Variants in LRRC4C observed in about 807,000 individuals in gnomAD.
LRRC4C encodes leucine-rich repeat-containing protein 4C.
Under a neutral mutation model 33.6 loss-of-function variants are expected in LRRC4C, and 5 were observed. The ratio of observed to expected loss-of-function variants is 0.15; its 90% confidence interval spans 0.08 to 0.31. The LOEUF is 0.31. Among genes scored for constraint, LRRC4C ranks in the 10% least tolerant of loss-of-function variants. LRRC4C has a pLI of 1.00. For missense variants in LRRC4C, 560 were observed against 796.7 expected, an observed-to-expected ratio of 0.70 and a Z score of 3.58; for synonymous variants, 329 against 302.0, an observed-to-expected ratio of 1.09 and a Z score of -0.93.
At chr11:41,279,428 A>ACCCCC (rs1555134481) in intron 1 of LRRC4C, among the ~76,000 whole-genome samples, 7 of 140,788 alleles carry the variant, frequency 5.0e-5, no homozygotes, top group East Asian at 2.2e-4. Context: ...ACACACACAC[A>ACCCCC]CCGTGGCAAT....
chr11:40,321,691 A>T (rs1945856305), intron 3 of LRRC4C, among the ~76,000 whole-genome samples: 2 of 152,194 alleles, frequency 1.3e-5, no homozygotes, highest in Non-Finnish European at 2.9e-5. Flanking sequence ...TATTCAATTG[A>T]AGTAGATTCT....
At chr11:40,167,786 A>C (rs1032260990) in intron 5 of LRRC4C, among the ~76,000 whole-genome samples, 1 of 152,062 alleles carries the variant, frequency 6.6e-6, no homozygotes, top group African/African-American at 2.4e-5. Flanking sequence ...AATAGACTAG[A>C]GTCATCCCAG....
At chr11:40,284,579 T>C (rs750200440) in intron 4 of LRRC4C, among the ~76,000 whole-genome samples, 8 of 152,044 alleles carry the variant, frequency 5.3e-5, no homozygotes, top group Admixed American at 2.0e-4. Context: ...TGAGGAAAAA[T>C]TGGCATTATC....
chr11:40,169,598 A>T (rs571875275), intron 5 of LRRC4C, among the ~76,000 whole-genome samples: 2 of 152,232 alleles, frequency 1.3e-5, no homozygotes, highest in African/African-American at 4.8e-5. Context: ...CTTTGATTTC[A>T]TAACACCTGC....
intron 1 of LRRC4C, among the ~76,000 whole-genome samples, chr11:41,027,354 G>A (rs1762814364): frequency 6.6e-6 from 1 of 151,498 alleles, no homozygotes; most frequent in African/African-American, 2.4e-5. Context: ...GGTACCAAAG[G>A]AATAGCAAAT....
At chr11:41,374,805 T>A (rs1377707363) in intron 1 of LRRC4C, among the ~76,000 whole-genome samples, 1 of 152,144 alleles carries the variant, frequency 6.6e-6, no homozygotes, top group East Asian at 1.9e-4. Context: ...TGTAGAAATA[T>A]TTGCGGTAAA....
intron 2 of LRRC4C, among the ~76,000 whole-genome samples, chr11:40,656,480 T>G (rs1210834194): frequency 6.6e-6 from 1 of 151,850 alleles, no homozygotes; most frequent in African/African-American, 2.4e-5. Context: ...CACTTTTTTT[T>G]TTTTTTTGAA....
chr11:40,823,133 C>CA (rs1320985268), intron 2 of LRRC4C, among the ~76,000 whole-genome samples: 6 of 151,738 alleles, frequency 4.0e-5, no homozygotes, highest in Admixed American at 1.3e-4. Context: ...GTATATCTGC[C>CA]AACAAAGAGC....
intron 1 of LRRC4C, among the ~76,000 whole-genome samples, chr11:41,372,035 G>T (rs948519862): frequency 2.0e-5 from 3 of 152,252 alleles, no homozygotes; most frequent in African/African-American, 7.2e-5. Flanking sequence ...TACTCAGGAG[G>T]CTGAGGCAGG....
At chr11:40,199,772 T>G (rs1862555690) in intron 5 of LRRC4C, among the ~76,000 whole-genome samples, 1 of 152,184 alleles carries the variant, frequency 6.6e-6, no homozygotes, top group Admixed American at 6.5e-5. Flanking sequence ...TTCTGGGAAT[T>G]TTCCTTGCAG....
At position 40,600,072 on chromosome 11, in the gene LRRC4C, A is replaced by T. The variant is rs1959822731; in HGVS notation, c.-270+48070T>A. Among the ~76,000 whole-genome samples, 3 of 152,206 alleles carry T rather than the reference A, an allele frequency of 2.0e-5. No homozygotes were observed. The South Asian group carries it at 6.2e-4, about 31-fold the overall frequency. ...CACTGATGCTCAATAATTGATTTGC[A>T]TGAGCTCTAACTCTGTGCATAGTTT... On this transcript the variant is annotated intron_variant, in intron 3 of 6. Coordinates refer to ENST00000528697, the MANE Select transcript of LRRC4C (RefSeq NM_001258419.2).
chr11:40,734,881 G>T (rs1352999125), intron 2 of LRRC4C, among the ~76,000 whole-genome samples: 1 of 152,076 alleles, frequency 6.6e-6, no homozygotes, highest in Admixed American at 6.6e-5. Flanking sequence ...TGGCAGGTGA[G>T]TCAATGGACA....
At chr11:41,237,852 T>G (rs1187417309) in intron 1 of LRRC4C, among the ~76,000 whole-genome samples, 1 of 152,214 alleles carries the variant, frequency 6.6e-6, no homozygotes, top group Admixed American at 6.5e-5. Flanking sequence ...ATATTAGCTT[T>G]TGGTTAAAGC....
chr11:41,282,464 T>A (rs377455878), intron 1 of LRRC4C, among the ~76,000 whole-genome samples: 2 of 152,222 alleles, frequency 1.3e-5, no homozygotes, highest in African/African-American at 4.8e-5. Context: ...TTCATTATGA[T>A]GCCTGCACTA....
At chr11:40,658,026 C>G (rs895173243) in intron 2 of LRRC4C, among the ~76,000 whole-genome samples, 1 of 152,236 alleles carries the variant, frequency 6.6e-6, no homozygotes, top group African/African-American at 2.4e-5. Context: ...TGCACCCAAT[C>G]TCTGTAGTCT....
chr11:40,440,480 A>G (rs1251229477), intron 3 of LRRC4C, among the ~76,000 whole-genome samples: 1 of 152,056 alleles, frequency 6.6e-6, no homozygotes, highest in Non-Finnish European at 1.5e-5. Flanking sequence ...GGTCAAGATA[A>G]TATTCCAACT....
chr11:40,242,826 T>C (rs1242498926), intron 4 of LRRC4C, among the ~76,000 whole-genome samples: 3 of 152,118 alleles, frequency 2.0e-5, no homozygotes, highest in African/African-American at 4.8e-5. Context: ...ATTATTATTG[T>C]CATCTATTAT....
At chr11:40,488,006 C>A (rs990510842) in intron 3 of LRRC4C, among the ~76,000 whole-genome samples, 3 of 152,012 alleles carry the variant, frequency 2.0e-5, no homozygotes, top group Admixed American at 6.6e-5. Flanking sequence ...AAATGACTTT[C>A]AAGATTTTAA....
At chr11:40,377,152 C>T (rs188694554) in intron 3 of LRRC4C, among the ~76,000 whole-genome samples, 6 of 152,156 alleles carry the variant, frequency 3.9e-5, no homozygotes, top group East Asian at 3.9e-4. Flanking sequence ...CTTTGGGGCT[C>T]GGGTTGATTA....
Sources: allele counts gnomAD v4.1 joint callset (sites outside exome capture counted in the v4.1 genomes callset), GRCh38; gene constraint gnomAD v4.1.1; transcripts MANE v1.5; gene names NCBI Gene and HGNC (gene_info 2026-07-23, HGNC 2026-07-21).